Variants in PDE7B observed in about 807,000 individuals in gnomAD.
PDE7B encodes the protein phosphodiesterase 7B, also known as 3',5'-cyclic-AMP phosphodiesterase 7B.
In PDE7B, 29 loss-of-function variants were observed where a neutral mutation model predicts 56.2. The ratio of observed to expected loss-of-function variants is 0.52; its 90% CI spans 0.38 to 0.70. The LOEUF (loss-of-function observed/expected upper bound fraction) is 0.70. PDE7B is among the 30% of genes least tolerant of loss of function. PDE7B has a pLI of 0.00. For synonymous variants in PDE7B, 197 were observed against 196.9 expected, an observed-to-expected ratio of 1.00 and a Z score of 0.00; for missense variants, 490 against 565.0, an observed-to-expected ratio of 0.87 and a Z score of 1.35.
At chr6:135,878,565 A>G (rs1176527890) in intron 1 of PDE7B, among the ~76,000 whole-genome samples, 1 of 152,156 alleles carries the variant, frequency 6.6e-6, no homozygotes, top group Non-Finnish European at 1.5e-5. Flanking sequence ...TATTTTACCT[A>G]TTCTTTCATA....
chr6:135,932,297 T>TA (rs566329173), intron 1 of PDE7B, among the ~76,000 whole-genome samples: 1 of 152,056 alleles, frequency 6.6e-6, no homozygotes, highest in Non-Finnish European at 1.5e-5. Context: ...TTAAATAACT[T>TA]AAAGAGTGTA....
intron 2 of PDE7B, among the ~76,000 whole-genome samples, chr6:136,064,820 T>C (rs1776906359): frequency 6.6e-6 from 1 of 152,160 alleles, no homozygotes; most frequent in Admixed American, 6.5e-5. Context: ...CTTCATGACA[T>C]TCATAATTAT....
chr6:136,123,891 A>G (rs1263181976), intron 3 of PDE7B, among the ~76,000 whole-genome samples: 1 of 152,186 alleles, frequency 6.6e-6, no homozygotes, highest in Non-Finnish European at 1.5e-5. Flanking sequence ...CTGTTTGGAA[A>G]TGACTAATAG....
intron 3 of PDE7B, among the ~76,000 whole-genome samples, chr6:136,110,208 T>C (rs1777718961): frequency 6.6e-6 from 1 of 152,198 alleles, no homozygotes; most frequent in Non-Finnish European, 1.5e-5. Context: ...AAATGCTTTT[T>C]GGAAGACCGA....
intron 3 of PDE7B, among the ~76,000 whole-genome samples, chr6:136,132,334 C>T (rs1389780700): frequency 6.6e-6 from 1 of 151,870 alleles, no homozygotes; most frequent in Non-Finnish European, 1.5e-5. Context: ...ATCCCTATAC[C>T]CCAGAGAAAA....
intron 8 of PDE7B, among the ~76,000 whole-genome samples, chr6:136,161,008 A>G (rs983984395): frequency 2.0e-5 from 3 of 152,190 alleles, no homozygotes; most frequent in Non-Finnish European, 4.4e-5. Flanking sequence ...ATAAAGATAT[A>G]AAGTATCCCT....
intron 2 of PDE7B, among the ~76,000 whole-genome samples, chr6:136,091,715 C>T (rs906865580): frequency 3.3e-5 from 5 of 152,184 alleles, no homozygotes; most frequent in African/African-American, 1.2e-4. Context: ...ATTTTGCAAC[C>T]AATGTGCTGT....
intron 2 of PDE7B, among the ~76,000 whole-genome samples, chr6:135,952,464 A>T (rs1313915148): frequency 6.6e-6 from 1 of 152,162 alleles, no homozygotes; most frequent in African/African-American, 2.4e-5. Context: ...AGCATTGAGA[A>T]TCCAAAGACC....
chr6:136,136,704 C>G (rs989010458), intron 3 of PDE7B, among the ~76,000 whole-genome samples: 2 of 150,294 alleles, frequency 1.3e-5, no homozygotes, highest in African/African-American at 4.9e-5. Flanking sequence ...CTACTATGTA[C>G]CCACAAAAAT....
intron 2 of PDE7B, among the ~76,000 whole-genome samples, chr6:136,007,390 C>G (rs1775807405): frequency 6.6e-6 from 1 of 151,972 alleles, no homozygotes; most frequent in South Asian, 2.1e-4. Context: ...GTGCCTTTGT[C>G]AGGTTTTGGT....
intron 1 of PDE7B, among the ~76,000 whole-genome samples, chr6:135,929,874 A>AG (rs1774262254): frequency 6.6e-6 from 1 of 152,144 alleles, no homozygotes; most frequent in Non-Finnish European, 1.5e-5. Flanking sequence ...AGAGAAGTGC[A>AG]GGGGCTCAGA....
chr6:135,852,321 A>G (rs570199615), intron 1 of PDE7B, among the ~76,000 whole-genome samples: 3 of 152,248 alleles, frequency 2.0e-5, no homozygotes, highest in Admixed American at 2.0e-4. Flanking sequence ...AAAAAAAAAT[A>G]AAGAATGCAA....
intron 3 of PDE7B, among the ~76,000 whole-genome samples, chr6:136,114,196 A>G (rs1447857643): frequency 1.3e-5 from 2 of 152,196 alleles, no homozygotes; most frequent in African/African-American, 4.8e-5. Context: ...TGTCAGGGTC[A>G]TCTTAACTGC....
intron 2 of PDE7B, among the ~76,000 whole-genome samples, chr6:136,086,785 T>C (rs968965767): frequency 6.6e-6 from 1 of 152,216 alleles, no homozygotes. Context: ...ATACTGTTAT[T>C]AGAGACATTC....
chr6:136,013,389 G>A (rs530738941), intron 2 of PDE7B, among the ~76,000 whole-genome samples: 25 of 152,308 alleles, frequency 1.6e-4, no homozygotes, highest in African/African-American at 6.0e-4. Flanking sequence ...CTGTAGACTG[G>A]AATAGTTATG....
chr6:135,980,029 A>G (rs371614255), intron 2 of PDE7B, among the ~76,000 whole-genome samples: 10,834 of 152,030 alleles, frequency 0.071, 1,230 homozygotes, highest in African/African-American at 0.24. Flanking sequence ...CATGCTGCCT[A>G]ACTTCAAACT....
At chr6:135,953,780 T>C (rs1420601071) in intron 2 of PDE7B, among the ~76,000 whole-genome samples, 2 of 152,118 alleles carry the variant, frequency 1.3e-5, no homozygotes, top group Non-Finnish European at 2.9e-5. Context: ...ATGAAAGAAA[T>C]ATTATTGTAA....
rs115273048 is a variant in PDE7B at position 136,080,163 on chromosome 6, C to G, written c.83-28568C>G. ...TCCCCCTTTTGGGTTCCCTGTGTCT[C>G]TAGAGAACAGGATGCAAAATTAAAT... On this transcript the variant is annotated intron_variant, in intron 2 of 12. Coordinates refer to ENST00000308191, the MANE Select transcript of PDE7B (RefSeq NM_018945.4). 5.6e-3 allele frequency among the ~76,000 whole-genome samples: 853 copies of G among 152,224 alleles called. 6 individuals are homozygous for G. Among genetic ancestry groups the G allele is most frequent in the African/African-American group, 0.019 (806 of 41,526 alleles).
Position 136,193,260 on chromosome 6 carries a change from G to C in PDE7B, c.*1420G>C, listed in dbSNP as rs1028882363. The C allele has an allele frequency of 6.6e-6, 1 of 152,586 alleles. No homozygotes were observed. Among genetic ancestry groups the C allele is most frequent in the African/African-American group, 2.4e-5 (1 of 41,438 alleles). 9.5% of individuals were successfully genotyped at this position (152,586 alleles called of 1,614,324 possible). On this transcript the variant is annotated 3_prime_UTR_variant, in exon 13 of 13. Transcript: ENST00000308191. The stretch of plus-strand genomic sequence containing the variant: ...ATGGCTATAGTACCAAAGTACTTTT[G>C]GTGTTTGGTTGGTGTGCATTTCTTT...
Sources: allele counts gnomAD v4.1 joint callset (sites outside exome capture counted in the v4.1 genomes callset), GRCh38; gene constraint gnomAD v4.1.1; transcripts MANE v1.5; gene names NCBI Gene and HGNC (gene_info 2026-07-23, HGNC 2026-07-21).